Variants in IL1RAPL1 observed in about 807,000 individuals in gnomAD.
The protein encoded by IL1RAPL1 is interleukin 1 receptor accessory protein like 1.
A neutral mutation model predicts 48.4 loss-of-function variants in IL1RAPL1; 3 were observed. The ratio of observed to expected loss-of-function variants is 0.06; its 90% CI spans 0.03 to 0.16. The LOEUF (loss-of-function observed/expected upper bound fraction) is 0.16, where lower values mean the gene tolerates loss of function less well. Among genes scored for constraint, IL1RAPL1 ranks in the 10% least tolerant of loss-of-function variants. The pLI is 1.00. For missense variants in IL1RAPL1, 349 were observed against 530.6 expected (o/e 0.66, Z 3.36); for synonymous variants, 185 against 187.7 (o/e 0.99, Z 0.12).
At chrX:28,613,326 A>T (rs1042550588) in intron 1 of IL1RAPL1, among the ~76,000 whole-genome samples, 1 of 112,395 alleles carries the variant, frequency 8.9e-6, no homozygotes, top group African/African-American at 3.2e-5. Flanking sequence ...ATGGGACTGG[A>T]TACAAAATCT....
intron 2 of IL1RAPL1, among the ~76,000 whole-genome samples, chrX:28,802,403 C>G (rs2147271793): frequency 8.9e-6 from 1 of 112,396 alleles, no homozygotes; most frequent in South Asian, 3.6e-4. Flanking sequence ...CAGTGAATAA[C>G]TTTGCCAAGT....
intron 2 of IL1RAPL1, among the ~76,000 whole-genome samples, chrX:28,873,771 T>C (rs1325683153): frequency 1.8e-5 from 2 of 108,670 alleles, no homozygotes; most frequent in East Asian, 5.8e-4. Flanking sequence ...GACCTCGTGA[T>C]CCGCCCGCCT....
At chrX:28,762,786 G>GCACACACACACACACACA (rs759005946) in intron 1 of IL1RAPL1, among the ~76,000 whole-genome samples, 1 of 62,999 alleles carries the variant, frequency 1.6e-5, no homozygotes, top group Non-Finnish European at 2.9e-5. Context: ...GCACGCGCGC[G>GCACACACACACACACACA]CACACACACA....
rs140368872 is a variant in IL1RAPL1 at position 29,897,195 on chromosome X, T to C, written c.779-20269T>C. Among the ~76,000 whole-genome samples the C allele has an allele frequency of 2.3e-3, 255 of 112,663 alleles. 1 individual carries two copies. The highest frequency in any genetic ancestry group is 7.8e-3 in the African/African-American group (242 of 31,074). ...AGCTTGTTTATCCTCTCAGTTGTTC[T>C]AAGGGCATTGCTGCCATCCCTGTTA... On this transcript the variant is annotated intron_variant, in intron 6 of 10. Transcript: ENST00000378993.
At chrX:29,162,858 G>A (rs946531484) in intron 2 of IL1RAPL1, among the ~76,000 whole-genome samples, 1 of 110,445 alleles carries the variant, frequency 9.1e-6, no homozygotes, top group Non-Finnish European at 1.9e-5. Flanking sequence ...TGGATCATGA[G>A]GTCAGGATTT....
At chrX:29,645,824 C>A (rs2147088150) in intron 5 of IL1RAPL1, among the ~76,000 whole-genome samples, 1 of 112,108 alleles carries the variant, frequency 8.9e-6, no homozygotes, top group South Asian at 3.7e-4. Flanking sequence ...GCCGCAAATC[C>A]AATCTTAGTA....
At chrX:29,004,956 C>G (rs1355145246) in intron 2 of IL1RAPL1, among the ~76,000 whole-genome samples, 1 of 111,975 alleles carries the variant, frequency 8.9e-6, no homozygotes, top group Non-Finnish European at 1.9e-5. Context: ...CTGAAGTGAG[C>G]CAAATCATGT....
intron 5 of IL1RAPL1, among the ~76,000 whole-genome samples, chrX:29,627,131 T>C (rs1265510210): frequency 2.7e-5 from 3 of 111,801 alleles, no homozygotes; most frequent in Non-Finnish European, 3.8e-5. Flanking sequence ...AAAGTGAATG[T>C]CTAGTTTGTT....
chrX:28,810,339 A>G (rs1001784801), intron 2 of IL1RAPL1, among the ~76,000 whole-genome samples: 1 of 110,865 alleles, frequency 9.0e-6, no homozygotes, highest in African/African-American at 3.3e-5. Flanking sequence ...AAGAAGTGAG[A>G]TACCAGAAAA....
rs1303541105 is a variant in IL1RAPL1, at chrX:29,778,775, A to C, written c.778+110271A>C. Among the ~76,000 whole-genome samples the C allele has an allele frequency of 2.7e-5, 3 of 112,331 alleles. No individual in the cohort carries two copies. The Admixed American group carries it at 2.8e-4, about 11-fold the overall frequency. Reference sequence around the variant, plus strand: ...AAATTCAGACACTGAGATGTGGTTCAGCCAGAAATATTTACAAATGTAGAA... The same window carrying C: ...AAATTCAGACACTGAGATGTGGTTCCGCCAGAAATATTTACAAATGTAGAA... On this transcript the variant is annotated intron_variant, in intron 6 of 10. Coordinates refer to ENST00000378993, the MANE Select transcript of IL1RAPL1 (RefSeq NM_014271.4).
intron 5 of IL1RAPL1, among the ~76,000 whole-genome samples, chrX:29,596,203 G>A (rs1170849780): frequency 3.6e-5 from 4 of 111,299 alleles, no homozygotes; most frequent in Non-Finnish European, 7.5e-5. Context: ...GTCTTGCTTT[G>A]GCTATGCAGG....
chrX:29,674,236 G>A (rs1351347249), intron 6 of IL1RAPL1, among the ~76,000 whole-genome samples: 2 of 111,304 alleles, frequency 1.8e-5, no homozygotes, highest in African/African-American at 3.3e-5. Context: ...AGATCAGCCT[G>A]GTCAATATAG....
chrX:29,341,629 T>G (rs919776029), intron 3 of IL1RAPL1, among the ~76,000 whole-genome samples: 1 of 111,188 alleles, frequency 9.0e-6, no homozygotes, highest in Non-Finnish European at 1.9e-5. Context: ...GTTATTTTGG[T>G]AGAAGGAACA....
chrX:29,621,887 A>G (rs1033647539), intron 5 of IL1RAPL1, among the ~76,000 whole-genome samples: 1 of 111,645 alleles, frequency 9.0e-6, no homozygotes, highest in African/African-American at 3.3e-5. Context: ...ATCAAACTCT[A>G]TATTTGGACC....
intron 2 of IL1RAPL1, among the ~76,000 whole-genome samples, chrX:29,248,902 T>C (rs1359216691): frequency 8.9e-6 from 1 of 112,030 alleles, no homozygotes; most frequent in Non-Finnish European, 1.9e-5. Context: ...TTGCATAAGA[T>C]TGGAAATTAC....
intron 5 of IL1RAPL1, among the ~76,000 whole-genome samples, chrX:29,409,560 A>G (rs1249821274): frequency 9.0e-6 from 1 of 111,286 alleles, no homozygotes; most frequent in Admixed American, 9.6e-5. Context: ...TTGTTCAAAA[A>G]TGTATGAATC....
chrX:29,088,952 T>G (rs1928018654), intron 2 of IL1RAPL1, among the ~76,000 whole-genome samples: 1 of 111,624 alleles, frequency 9.0e-6, no homozygotes, highest in Non-Finnish European at 1.9e-5. Context: ...CATGTCATGC[T>G]TCAGTGTTCG....
chrX:29,419,595 A>G (rs1474154052), intron 5 of IL1RAPL1, among the ~76,000 whole-genome samples: 1 of 112,146 alleles, frequency 8.9e-6, no homozygotes, highest in Non-Finnish European at 1.9e-5. Flanking sequence ...TGCTGGGATT[A>G]CAGGCATGAG....
intron 2 of IL1RAPL1, among the ~76,000 whole-genome samples, chrX:28,814,353 G>GTGTA (rs1936832670): frequency 9.6e-6 from 1 of 104,125 alleles, no homozygotes; most frequent in African/African-American, 3.4e-5. Context: ...GTGTGTGTGT[G>GTGTA]TGTGTGTGTG....
Sources: allele counts gnomAD v4.1 joint callset (sites outside exome capture counted in the v4.1 genomes callset), GRCh38; gene constraint gnomAD v4.1.1; transcripts MANE v1.5; gene names NCBI Gene and HGNC (gene_info 2026-07-23, HGNC 2026-07-21).